The following SLC6A20 variants were observed in gnomAD, a reference collection of about 807,000 sequenced individuals.
The protein encoded by SLC6A20 is solute carrier family 6 member 20.
SLC6A20 carries 73 observed loss-of-function variants against 64.3 expected under a neutral mutation model. The ratio of observed to expected loss-of-function variants is 1.14; its 90% CI spans 0.94 to 1.38. The LOEUF (loss-of-function observed/expected upper bound fraction) is 1.38. SLC6A20 is among the 40% of genes most tolerant of loss of function. The pLI is 0.00. For synonymous variants in SLC6A20, 347 were observed against 329.6 expected, an observed-to-expected ratio of 1.05 and a Z score of -0.57; for missense variants, 725 against 772.8, an observed-to-expected ratio of 0.94 and a Z score of 0.73.
At chr3:45,785,366 A>G (rs926452243) in intron 1 of SLC6A20, among the ~76,000 whole-genome samples, 1 of 152,156 alleles carries the variant, frequency 6.6e-6, no homozygotes, top group African/African-American at 2.4e-5. Context: ...ACCCACCCTT[A>G]ATCTGGTGGA....
At chr3:45,793,543 T>C (rs1700293418) in intron 1 of SLC6A20, among the ~76,000 whole-genome samples, 1 of 152,024 alleles carries the variant, frequency 6.6e-6, no homozygotes, top group South Asian at 2.1e-4. Flanking sequence ...GATTGGTACC[T>C]GGAATGTAAT....
intron 8 of SLC6A20, among the ~76,000 whole-genome samples, chr3:45,763,689 C>T (rs914273510): frequency 6.6e-6 from 1 of 152,162 alleles, no homozygotes; most frequent in Non-Finnish European, 1.5e-5. Context: ...AAGGCTCCCC[C>T]GACATCCCAT....
chr3:45,763,360 C>T (rs981621111), intron 8 of SLC6A20, among the ~76,000 whole-genome samples: 12 of 152,158 alleles, frequency 7.9e-5, no homozygotes, highest in Non-Finnish European at 1.3e-4. Context: ...AACAAGCAGA[C>T]GTAGTGGGCA....
At chr3:45,793,535 T>A (rs1472830543) in intron 1 of SLC6A20, among the ~76,000 whole-genome samples, 1 of 151,994 alleles carries the variant, frequency 6.6e-6, no homozygotes, top group African/African-American at 2.4e-5. Flanking sequence ...ACAGAGATGA[T>A]TGGTACCTGG....
At chr3:45,794,338 C>A (rs570161041) in intron 1 of SLC6A20, among the ~76,000 whole-genome samples, 1 of 152,170 alleles carries the variant, frequency 6.6e-6, no homozygotes, top group Admixed American at 6.5e-5. Flanking sequence ...CAAGTGCCTA[C>A]GGTGCCAAGT....
rs1002747144 is a variant in SLC6A20, at chr3:45,759,767, G to A, written c.1629+90C>T. 7.5e-6 allele frequency: 11 copies of A among 1,459,390 alleles called. No individual in the cohort carries two copies. In the East Asian group the frequency reaches 2.3e-4, roughly 30 times the overall value. The allele number at this position is 1,459,390 out of a possible 1,614,324, so 90.4% of individuals were successfully genotyped here. A position where few individuals can be genotyped will look rare whatever the true frequency, so the allele number is the denominator to read the frequency against. ...TGACAAATAACCTACCCACACCATG[G>A]AAATAGTCCCCTGGTTTCGGAAAAT... On this transcript the variant is annotated intron_variant, in intron 10 of 10. Transcript: ENST00000358525.
chr3:45,792,864 G>C (rs1336748293), intron 1 of SLC6A20, among the ~76,000 whole-genome samples: 1 of 152,182 alleles, frequency 6.6e-6, no homozygotes, highest in African/African-American at 2.4e-5. Flanking sequence ...AACATTTACT[G>C]GGACCCTACT....
intron 1 of SLC6A20, among the ~76,000 whole-genome samples, chr3:45,792,706 G>A (rs2125659228): frequency 6.6e-6 from 1 of 152,312 alleles, no homozygotes; most frequent in East Asian, 1.9e-4. Context: ...CGGCTCACAA[G>A]AGCCAACCGG....
At chr3:45,772,372 C>T in intron 5 of SLC6A20, 133 bp downstream of exon 5, 2 of 717,844 alleles carry the variant, frequency 2.8e-6, no homozygotes, top group Non-Finnish European at 4.4e-6. Context: ...TCCTGCCACA[C>T]CCTGGTGGGC....
Position 45,796,465 on chromosome 3 carries a change from G to T in SLC6A20, c.-46C>A, listed in dbSNP as rs752873318. On this transcript the variant is annotated 5_prime_UTR_variant, in exon 1 of 11. Transcript: ENST00000358525. ...CGGCTCCGGCTCGGGGGTCCGGCAC[G>T]GCAGTCTCAGTGCGCGGTCGCCAGG... 1.9e-5 allele frequency: 30 copies of T among 1,581,644 alleles called. No homozygotes were observed. Among genetic ancestry groups the T allele is most frequent in the Non-Finnish European group, 2.6e-5 (30 of 1,164,182 alleles).
chr3:45,772,658 G>A (rs1699896237), intron 4 of SLC6A20, 43 bp from the exon 5 acceptor site: 2 of 1,523,862 alleles, frequency 1.3e-6, no homozygotes, highest in East Asian at 2.3e-5. Context: ...GGAGCAGTGG[G>A]GTCCACAGGA....
chr3:45,790,012 A>C (rs1346178519), intron 1 of SLC6A20, among the ~76,000 whole-genome samples: 2 of 152,154 alleles, frequency 1.3e-5, no homozygotes, highest in African/African-American at 4.8e-5. Context: ...TACGTTGTCT[A>C]TTTGCTAAAC....
chr3:45,758,401 A>G lies in SLC6A20; in HGVS notation c.*577T>C. 7.8e-7 allele frequency: 1 copy of G among 1,275,186 alleles called. No homozygotes were observed. Among genetic ancestry groups the G allele is most frequent in the Non-Finnish European group, 1.0e-6 (1 of 981,874 alleles). The allele number at this position is 1,275,186 out of a possible 1,614,324, so 79.0% of individuals were successfully genotyped here. ...CACCGTCAGAGACCTTAGAGAAAGG[A>G]TCCCTTTGGGGGTCCCAGACAAAGA... On this transcript the variant is annotated 3_prime_UTR_variant, in exon 11 of 11. Transcript: ENST00000358525.
In SLC6A20 at chr3:45,765,735, G is replaced by C. The variant is rs1407074541; in HGVS notation, c.1105C>G (p.Gln369Glu). The change falls in exon 8 of 11, where the codon CAG becomes GAG. Residue 369 changes from glutamine to glutamate, a missense_variant. Physicochemically the swap from Gln to Glu is conservative, Grantham distance 29 (BLOSUM62 2). Coordinates refer to ENST00000358525, the MANE Select transcript of SLC6A20 (RefSeq NM_020208.4). This position sits in a 1 kb window ranked among gnomAD's most constrained non-coding sequence, Gnocchi z 4.2. ...SLESELDTAV[Q>E]GTGLAFIVYT... ...ACGATGAATGCCAGGCCAGTGCCCTGGACGGCCTGCCCAGGGTGAGAAGAC... is the reference window on the plus strand; with the variant it reads ...ACGATGAATGCCAGGCCAGTGCCCTCGACGGCCTGCCCAGGGTGAGAAGAC... The C allele has an allele frequency of 1.9e-6, 3 of 1,613,978 alleles. No individual in the cohort carries two copies. Among genetic ancestry groups the C allele is most frequent in the Non-Finnish European group, 2.5e-6 (3 of 1,180,026 alleles).
chr3:45,777,508 A>G (rs1312963168), intron 3 of SLC6A20, among the ~76,000 whole-genome samples: 1 of 152,206 alleles, frequency 6.6e-6, no homozygotes, highest in Non-Finnish European at 1.5e-5. Context: ...AAGCTGACCA[A>G]CTGAATATGG....
rs1299635956 is a variant in SLC6A20 at position 45,757,654 on chromosome 3, C to CA, written c.*1323dup. 1 of 165,388 alleles carries CA rather than the reference C, an allele frequency of 6.0e-6. No individual in the cohort carries two copies. The highest frequency in any genetic ancestry group is 2.4e-5 in the African/African-American group (1 of 41,666). 10.2% of individuals were successfully genotyped at this position (165,388 alleles called of 1,614,324 possible). ...AGAAACAATTTTTCTTAGTACAGAT[C>CA]AAAATGGAGTTTCTTATGTCTTCCT... On this transcript the variant is annotated 3_prime_UTR_variant, in exon 11 of 11. Coordinates refer to ENST00000358525, the MANE Select transcript of SLC6A20 (RefSeq NM_020208.4).
chr3:45,763,116 C>G lies in SLC6A20; in HGVS notation c.1304-44G>C, dbSNP rs376598390. On this transcript the variant is annotated intron_variant, in intron 8 of 10. Transcript: ENST00000358525. ...GCTGCTCACCTGCCCGAGACCCCCCCACTACTGCTTACCAGTTCTCTACAG... is the reference window on the plus strand; with the variant it reads ...GCTGCTCACCTGCCCGAGACCCCCCGACTACTGCTTACCAGTTCTCTACAG... The G allele has an allele frequency of 9.2e-5, 148 of 1,609,908 alleles. 3 individuals carry two copies. The South Asian group carries it at 1.5e-3, about 16-fold the overall frequency.
chr3:45,779,140 C>G (rs751616075), intron 3 of SLC6A20, among the ~76,000 whole-genome samples: 1 of 152,332 alleles, frequency 6.6e-6, no homozygotes, highest in Non-Finnish European at 1.5e-5. Flanking sequence ...AGGCCTGGCT[C>G]AGGGGCAAAG....
At chr3:45,785,613 T>TTCTCTCTCTCTCTC (rs60563353) in intron 1 of SLC6A20, among the ~76,000 whole-genome samples, 2,375 of 140,990 alleles carry the variant, frequency 0.017, 51 homozygotes, top group South Asian at 0.042. Context: ...AAACTCCCCT[T>TTCTCTCTCTCTCTC]TCTCTCTCTC....
Sources: allele counts gnomAD v4.1 joint callset (sites outside exome capture counted in the v4.1 genomes callset), GRCh38; gene constraint gnomAD v4.1.1; non-coding constraint Gnocchi (gnomAD v3.1); transcripts MANE v1.5; gene names NCBI Gene and HGNC (gene_info 2026-07-23, HGNC 2026-07-21).